The following CSMD3 variants were observed in gnomAD, a reference collection of about 807,000 sequenced individuals.
CSMD3 encodes CUB and sushi domain-containing protein 3.
A neutral mutation model predicts 435.2 loss-of-function variants in CSMD3; 177 were observed. The ratio of observed to expected loss-of-function variants is 0.41; its 90% CI spans 0.36 to 0.46. The LOEUF is 0.46. Among genes scored for constraint, CSMD3 ranks in the 20% least tolerant of loss-of-function variants. The probability of loss-of-function intolerance (pLI) is 0.34; values close to 1 mark genes in which losing one functional copy is unlikely to be tolerated. For synonymous variants in CSMD3, 1,656 were observed against 1,520.5 expected, an observed-to-expected ratio of 1.09 and a Z score of -2.07; for missense variants, 4,265 against 4,504.6, an observed-to-expected ratio of 0.95 and a Z score of 1.52.
chr8:112,408,881 A>T lies in CSMD3; in HGVS notation c.5509+38T>A, dbSNP rs368638903. 5.6e-5 allele frequency: 90 copies of T among 1,613,102 alleles called. No individual in the cohort carries two copies. In the Middle Eastern group the frequency reaches 1.2e-3, roughly 21 times the overall value. The stretch of plus-strand genomic sequence containing the variant: ...CAATACTAATCAAAGTCAGTCTTTA[A>T]TCAGTAACTGATGCATGGCAGTTCT... On this transcript the variant is annotated intron_variant, in intron 33 of 70. Transcript: ENST00000297405.
intron 54 of CSMD3, among the ~76,000 whole-genome samples, chr8:112,295,367 C>A (rs1011849122): frequency 2.6e-5 from 4 of 152,056 alleles, no homozygotes; most frequent in Non-Finnish European, 5.9e-5. Flanking sequence ...ATATTCCCCA[C>A]TGTGCTTCAT....
intron 54 of CSMD3, 150 bp downstream of exon 54, chr8:112,295,683 C>T (rs1179025318): frequency 3.1e-6 from 2 of 636,748 alleles, no homozygotes; most frequent in African/African-American, 3.6e-5. Flanking sequence ...ACTTTAAAGA[C>T]TTTTGCATAG....
At position 112,318,841 on chromosome 8, in the gene CSMD3, A is replaced by G. The variant is rs761268333; in HGVS notation, c.7356T>C (p.Cys2452=). The part of the protein sequence containing the change: ...RLQMDGAPPV[C]QVLCPANELR... ...ATCATAGGAACCATTGAATACCTTG[A>G]CAAACTGGAGGTGCTCCATCCATCT... The change falls in exon 47 of 71, where the codon TGT becomes TGC. Residue 2452 remains cysteine (C), a synonymous_variant. Coordinates refer to ENST00000297405, the MANE Select transcript of CSMD3 (RefSeq NM_198123.2). 2 of 1,605,042 alleles carry G rather than the reference A, an allele frequency of 1.2e-6. No individual in the cohort carries two copies. The highest frequency in any genetic ancestry group is 1.7e-6 in the Non-Finnish European group (2 of 1,172,724).
chr8:112,443,256 C>T (rs994571866), intron 32 of CSMD3, among the ~76,000 whole-genome samples: 4 of 152,100 alleles, frequency 2.6e-5, no homozygotes, highest in East Asian at 1.9e-4. Flanking sequence ...AACTCTGATT[C>T]GTGAACCTTA....
chr8:113,193,516 G>A (rs570484046), intron 3 of CSMD3, among the ~76,000 whole-genome samples: 154 of 151,382 alleles, frequency 1.0e-3, no homozygotes, highest in Non-Finnish European at 1.5e-3. Context: ...TGTTACTACT[G>A]CTTCATCTGA....
At chr8:113,216,072 C>A (rs1387419218) in intron 3 of CSMD3, among the ~76,000 whole-genome samples, 1 of 151,660 alleles carries the variant, frequency 6.6e-6, no homozygotes. Context: ...TTTGACCCAG[C>A]AGTCCTACAT....
chr8:112,237,984 C>T (rs1360519187), intron 66 of CSMD3, among the ~76,000 whole-genome samples: 5 of 151,882 alleles, frequency 3.3e-5, no homozygotes, highest in Non-Finnish European at 5.9e-5. Flanking sequence ...GTGGTAGAAT[C>T]AAAGAACATT....
At chr8:112,360,329 GAATA>G (rs1827065939) in intron 38 of CSMD3, among the ~76,000 whole-genome samples, 1 of 151,874 alleles carries the variant, frequency 6.6e-6, no homozygotes, top group African/African-American at 2.4e-5. Flanking sequence ...TCCAAGAGGA[GAATA>G]AATAAAACTA....
At chr8:112,621,199 C>T (rs1834042602) in intron 22 of CSMD3, among the ~76,000 whole-genome samples, 2 of 152,040 alleles carry the variant, frequency 1.3e-5, no homozygotes, top group South Asian at 2.1e-4. Context: ...CATGCCATTG[C>T]ACTCCAGCCT....
intron 67 of CSMD3, 30 bp downstream of exon 67, chr8:112,237,160 T>C (rs749658809): frequency 4.4e-6 from 7 of 1,607,076 alleles, no homozygotes; most frequent in Non-Finnish European, 6.0e-6. Context: ...GTCATGAAGG[T>C]ATATTTCGCT....
At chr8:112,414,425 G>A (rs1463186586) in intron 32 of CSMD3, among the ~76,000 whole-genome samples, 1 of 152,186 alleles carries the variant, frequency 6.6e-6, no homozygotes, top group Non-Finnish European at 1.5e-5. Flanking sequence ...GAAGGTGCCT[G>A]CTTCTCCCGT....
rs1352502968 is a variant in CSMD3, at chr8:112,342,970, A to ATTTTATATATATATAT, written c.6443-1285_6443-1284insATATATATATATAAAA. Reference sequence around the variant, plus strand: ...TATGTTTCTTTACCTCTTGAAATGTATTATATATATATATATTTATATATA... The same window carrying ATTTTATATATATATAT: ...TATGTTTCTTTACCTCTTGAAATGTATTTTATATATATATATTTATATATATATATATTTATATATA... On this transcript the variant is annotated intron_variant, in intron 41 of 70. Transcript: ENST00000297405. 2.3e-3 allele frequency among the ~76,000 whole-genome samples: 198 copies of ATTTTATATATATATAT among 87,152 alleles called. 6 individuals carry two copies. Among genetic ancestry groups the ATTTTATATATATATAT allele is most frequent in the East Asian group, 8.1e-3 (19 of 2,336 alleles). 57.2% of individuals were successfully genotyped at this position (87,152 alleles called of 152,430 possible).
At chr8:113,313,225 T>A (rs1165864619) in intron 2 of CSMD3, 1 of 152,178 alleles carries the variant, frequency 6.6e-6, no homozygotes, top group Admixed American at 6.5e-5. Flanking sequence ...AAACCTAACA[T>A]CCTAATGTAA....
At chr8:113,288,053 C>T (rs1489539037) in intron 2 of CSMD3, among the ~76,000 whole-genome samples, 1 of 151,852 alleles carries the variant, frequency 6.6e-6, no homozygotes, top group Non-Finnish European at 1.5e-5. Flanking sequence ...TATTTTCACT[C>T]TTTTTGTTAC....
At chr8:112,251,380 G>A (rs1282062645) in intron 63 of CSMD3, among the ~76,000 whole-genome samples, 1 of 151,644 alleles carries the variant, frequency 6.6e-6, no homozygotes, top group African/African-American at 2.4e-5. Context: ...TATAACAGAT[G>A]TGCTTCAGAT....
intron 13 of CSMD3, among the ~76,000 whole-genome samples, chr8:112,714,184 T>C (rs1462452884): frequency 1.3e-5 from 2 of 151,736 alleles, no homozygotes; most frequent in Non-Finnish European, 2.9e-5. Context: ...ACCCATCTTA[T>C]GTGCACAGGC....
chr8:113,294,316 T>C (rs1367506440), intron 2 of CSMD3, among the ~76,000 whole-genome samples: 2 of 152,074 alleles, frequency 1.3e-5, no homozygotes, highest in Admixed American at 1.3e-4. Flanking sequence ...AGTTATTAAG[T>C]TTCTACTATG....
At chr8:113,001,925 TG>T (rs1253148401) in intron 6 of CSMD3, among the ~76,000 whole-genome samples, 1 of 152,038 alleles carries the variant, frequency 6.6e-6, no homozygotes, top group Non-Finnish European at 1.5e-5. Flanking sequence ...AATATATGGA[TG>T]GATGAATGAC....
At chr8:112,390,536 T>C (rs1830319985) in intron 36 of CSMD3, 128 bp downstream of exon 36, 1 of 767,118 alleles carries the variant, frequency 1.3e-6, no homozygotes, top group African/African-American at 1.7e-5. Context: ...CAAATATCTT[T>C]CTATTCATTT....
Sources: gnomAD v4.1 joint callset for allele counts (sites outside exome capture counted in the v4.1 genomes callset) on GRCh38, gnomAD v4.1.1 for gene constraint, MANE v1.5 for transcripts, NCBI Gene and HGNC (gene_info 2026-07-23, HGNC 2026-07-21) for gene names.